The following COL26A1 variants were observed in gnomAD, a reference collection of about 807,000 sequenced individuals.
The protein encoded by COL26A1 is collagen type XXVI alpha 1 chain, also known as collagen alpha-1(XXVI) chain.
Under a neutral mutation model 59.3 loss-of-function variants are expected in COL26A1, and 41 were observed. The ratio of observed to expected loss-of-function variants is 0.69; its 90% CI spans 0.54 to 0.90. COL26A1 has a LOEUF of 0.90. Ranked by LOEUF, COL26A1 falls within the 40% of genes least tolerant of loss-of-function variation. The pLI is 0.00. For missense variants in COL26A1, 612 were observed against 602.3 expected (o/e 1.02, Z -0.17); for synonymous variants, 266 against 256.0 (o/e 1.04, Z -0.37).
At chr7:101,472,175 C>T (rs1190255201) in intron 3 of COL26A1, among the ~76,000 whole-genome samples, 4 of 151,614 alleles carry the variant, frequency 2.6e-5, no homozygotes, top group Non-Finnish European at 5.9e-5. Flanking sequence ...TGGCCAGTTT[C>T]CAAATTTGTT....
At chr7:101,461,268 G>T (rs1793603384) in intron 3 of COL26A1, among the ~76,000 whole-genome samples, 1 of 151,708 alleles carries the variant, frequency 6.6e-6, no homozygotes, top group Non-Finnish European at 1.5e-5. Flanking sequence ...TGGGATCACA[G>T]GTGTGAGCCA....
intron 3 of COL26A1, among the ~76,000 whole-genome samples, chr7:101,489,235 G>C (rs965878341): frequency 6.6e-6 from 1 of 152,142 alleles, no homozygotes; most frequent in Non-Finnish European, 1.5e-5. Flanking sequence ...GATTGGAGGA[G>C]CTGTGGTTTA....
At chr7:101,473,368 G>A (rs946995168) in intron 3 of COL26A1, among the ~76,000 whole-genome samples, 7 of 152,026 alleles carry the variant, frequency 4.6e-5, no homozygotes, top group South Asian at 4.2e-4. Context: ...GAGCCACTGC[G>A]CCCGGCCTGG....
chr7:101,526,394 G>T (rs796250123), intron 3 of COL26A1, among the ~76,000 whole-genome samples: 3 of 152,232 alleles, frequency 2.0e-5, no homozygotes, highest in Admixed American at 6.5e-5. Flanking sequence ...GCCCTGGTTG[G>T]GGTGGCCTGC....
chr7:101,446,507 G>C (rs1260442149), intron 2 of COL26A1, among the ~76,000 whole-genome samples: 1 of 152,164 alleles, frequency 6.6e-6, no homozygotes, highest in Non-Finnish European at 1.5e-5. Context: ...GGTTCACCTT[G>C]CCTGCTGCTT....
rs149731013 is a variant in COL26A1 at position 101,445,979 on chromosome 7, C to T, written c.282-1705C>T. Among the ~76,000 whole-genome samples the T allele has an allele frequency of 5.0e-3, 654 of 131,034 alleles. 5 individuals carry two copies. The highest frequency in any genetic ancestry group is 0.018 in the African/African-American group (604 of 34,424). 86.0% of individuals were successfully genotyped at this position (131,034 alleles called of 152,430 possible). On this transcript the variant is annotated intron_variant, in intron 2 of 12. Transcript: ENST00000313669. ...AGGAGAATCGCTTGAATCTGGGAGG[C>T]GGAGGTTGCAGTGAGCCGAGATCGC... is the stretch of plus-strand genomic sequence containing the variant.
chr7:101,491,646 C>T (rs1584458660), intron 3 of COL26A1, among the ~76,000 whole-genome samples: 1 of 152,106 alleles, frequency 6.6e-6, no homozygotes, highest in Non-Finnish European at 1.5e-5. Flanking sequence ...AGGGTAACTT[C>T]CTGGTGTTGC....
chr7:101,518,632 C>T (rs1795079307), intron 3 of COL26A1, among the ~76,000 whole-genome samples: 1 of 152,178 alleles, frequency 6.6e-6, no homozygotes, highest in Non-Finnish European at 1.5e-5. Flanking sequence ...AGGGTTAGAG[C>T]ACTTGAAGCA....
rs114861242 is a variant in COL26A1 at position 101,536,435 on chromosome 7, G to A, written c.447+3292G>A. On this transcript the variant is annotated intron_variant, in intron 4 of 12. Coordinates refer to ENST00000313669, the MANE Select transcript of COL26A1 (RefSeq NM_001278563.3). ...CCAGCGGCACCAGAGGCCATGCCGA[G>A]GTCAGGCGAGTCTGCAGGAGCCAGG... Among the ~76,000 whole-genome samples, 1,307 of 152,364 alleles carry A rather than the reference G, an allele frequency of 8.6e-3. 21 individuals are homozygous for A. Among genetic ancestry groups the A allele is most frequent in the African/African-American group, 0.03 (1,263 of 41,576 alleles).
intron 3 of COL26A1, among the ~76,000 whole-genome samples, chr7:101,488,349 A>AATATATATATATATAT (rs368433793): frequency 6.7e-5 from 7 of 104,988 alleles, no homozygotes; most frequent in African/African-American, 2.9e-4. Context: ...AATTTTATTT[A>AATATATATATATATAT]ATATATATAT....
At chr7:101,443,348 A>T (rs544284634) in intron 2 of COL26A1, among the ~76,000 whole-genome samples, 25 of 152,268 alleles carry the variant, frequency 1.6e-4, no homozygotes, top group Non-Finnish European at 2.8e-4. Context: ...TGGAATGTTT[A>T]TGAAACACGA....
intron 9 of COL26A1, 150 bp downstream of exon 9, chr7:101,549,373 G>A (rs1795813413): frequency 1.9e-6 from 1 of 537,000 alleles, no homozygotes; most frequent in African/African-American, 2.0e-5. Context: ...ATTTTATTTT[G>A]TTTTATTTAT....
At chr7:101,371,629 A>C (rs182450781) in intron 1 of COL26A1, among the ~76,000 whole-genome samples, 1 of 152,258 alleles carries the variant, frequency 6.6e-6, no homozygotes, top group African/African-American at 2.4e-5. Flanking sequence ...TTGCAAAAAA[A>C]AAACTTTAAA....
At chr7:101,416,519 C>A (rs939665156) in intron 1 of COL26A1, among the ~76,000 whole-genome samples, 1 of 143,414 alleles carries the variant, frequency 7.0e-6, no homozygotes, top group East Asian at 1.9e-4. Flanking sequence ...TTTGATCATG[C>A]CTTCCAGAGC....
intron 1 of COL26A1, among the ~76,000 whole-genome samples, chr7:101,379,983 C>A (rs1426725348): frequency 6.6e-6 from 1 of 152,046 alleles, no homozygotes; most frequent in Non-Finnish European, 1.5e-5. Context: ...TATTCCTTTA[C>A]TTACTTACTT....
intron 1 of COL26A1, among the ~76,000 whole-genome samples, chr7:101,383,819 G>A (rs904650366): frequency 6.6e-5 from 10 of 152,182 alleles, no homozygotes; most frequent in African/African-American, 2.4e-4. Context: ...ACAGGCATGA[G>A]CCACAGCGCC....
At chr7:101,378,723 C>T (rs1362524554) in intron 1 of COL26A1, among the ~76,000 whole-genome samples, 2 of 152,004 alleles carry the variant, frequency 1.3e-5, no homozygotes, top group Non-Finnish European at 2.9e-5. Flanking sequence ...TATTATCTGT[C>T]TTTGTTTGCA....
At position 101,416,746 on chromosome 7, in the gene COL26A1, T is replaced by G. The variant is rs530632565; in HGVS notation, c.159-3231T>G. On this transcript the variant is annotated intron_variant, in intron 1 of 12. Transcript: ENST00000313669. ...ATGCATTTTTTTAATTTCATTTTTT[T>G]TGTGTGTGTATGTCACAGGGTCTTG... 1.5e-4 allele frequency among the ~76,000 whole-genome samples: 21 copies of G among 143,656 alleles called. 2 individuals carry two copies. The highest frequency in any genetic ancestry group is 2.3e-4 in the South Asian group (1 of 4,322). 94.2% of individuals were successfully genotyped at this position (143,656 alleles called of 152,430 possible). A position where few individuals can be genotyped will look rare whatever the true frequency, so the allele number is the denominator to read the frequency against.
rs951800746 is a variant in COL26A1 at position 101,475,884 on chromosome 7, C to G, written c.385+28097C>G. Among the ~76,000 whole-genome samples, 3 of 139,864 alleles carry G rather than the reference C, an allele frequency of 2.1e-5. No homozygotes were observed. The Admixed American group carries it at 2.2e-4, about 10-fold the overall frequency. The allele number at this position is 139,864 out of a possible 152,430, so 91.8% of individuals were successfully genotyped here. ...TTTCTCTCTCTTTCTTTCTCTTTCT[C>G]TCTCTTTCTTTCTCTCTCTTTCTCT... On this transcript the variant is annotated intron_variant, in intron 3 of 12. Transcript: ENST00000313669.
Sources: allele counts gnomAD v4.1 joint callset (sites outside exome capture counted in the v4.1 genomes callset), GRCh38; gene constraint gnomAD v4.1.1; transcripts MANE v1.5; gene names NCBI Gene and HGNC (gene_info 2026-07-23, HGNC 2026-07-21).